The following CDH3 variants were observed in gnomAD, a reference collection of about 807,000 sequenced individuals.
CDH3 encodes the protein cadherin 3, also known as cadherin-3.
CDH3 carries 54 observed loss-of-function variants against 82.0 expected under a neutral mutation model. The ratio of observed to expected loss-of-function variants is 0.66; its 90% confidence interval spans 0.53 to 0.83. The LOEUF (loss-of-function observed/expected upper bound fraction) is 0.83. Ranked by LOEUF, CDH3 falls within the 40% of genes least tolerant of loss-of-function variation. CDH3 has a pLI of 0.00. For missense variants in CDH3, 1,054 were observed against 1,084.6 expected (o/e 0.97, Z 0.40); for synonymous variants, 446 against 437.9 (o/e 1.02, Z -0.23).
At chr16:68,691,383 T>G (rs1961569812) in intron 12 of CDH3, among the ~76,000 whole-genome samples, 1 of 152,184 alleles carries the variant, frequency 6.6e-6, no homozygotes, top group Non-Finnish European at 1.5e-5. Flanking sequence ...ATATTCTTTT[T>G]GAAGCAAAAA....
At chr16:68,661,008 T>C (rs2152093357) in intron 2 of CDH3, among the ~76,000 whole-genome samples, 1 of 152,122 alleles carries the variant, frequency 6.6e-6, no homozygotes, top group African/African-American at 2.4e-5. Flanking sequence ...TAATTCATAA[T>C]TCCCATGATT....
downstream of CDH3, among the ~76,000 whole-genome samples, chr16:68,730,054 G>A (rs192491364): frequency 1.0e-3 from 158 of 152,086 alleles, 2 homozygotes; most frequent in East Asian, 0.029. Context: ...CCAAGATGGT[G>A]AAACCCTGTC....
intron 2 of CDH3, among the ~76,000 whole-genome samples, chr16:68,659,684 C>CA (rs1482195358): frequency 9.3e-5 from 14 of 150,410 alleles, no homozygotes; most frequent in Middle Eastern, 3.5e-3. Flanking sequence ...ACCCTGTCTT[C>CA]AAAAAAAACC....
chr16:68,716,635 A>AAG (rs996188502), intron 1 of CDH3, among the ~76,000 whole-genome samples: 2 of 150,460 alleles, frequency 1.3e-5, no homozygotes, highest in African/African-American at 4.9e-5. Context: ...AAAAAAAAAA[A>AAG]AAAAGAAAAG....
intron 2 of CDH3, chr16:68,651,901 T>A (rs1448533266): frequency 4.7e-6 from 2 of 426,656 alleles, no homozygotes; most frequent in Non-Finnish European, 9.4e-6. Flanking sequence ...AGCCGGTTCT[T>A]GACCTCGGCG....
chr16:68,695,782 T>G lies in CDH3; in HGVS notation c.2139T>G (p.Tyr713Ter), dbSNP rs767625359. The G allele has an allele frequency of 6.2e-7, 1 of 1,614,066 alleles. No individual in the cohort carries two copies. The change falls in exon 15 of 16, where the codon TAT (tyrosine) becomes TAG (stop). Residue 713 changes from tyrosine to a stop codon, truncating the protein, a stop_gained. Transcript: ENST00000264012. LOFTEE classifies it high-confidence loss of function. ...TCTCCTGCATTTCCCCACAGGACTA[T>G]GACATCACCCAGCTCCACCGAGGTC... ...EEGGGEEDQD[Y>*]DITQLHRGLE...
intron 2 of CDH3, among the ~76,000 whole-genome samples, chr16:68,668,296 A>G (rs1960792000): frequency 6.6e-6 from 1 of 152,140 alleles, no homozygotes; most frequent in South Asian, 2.1e-4. Flanking sequence ...TTTGGCCAAG[A>G]TGTGTGGCCT....
Position 68,695,362 on chromosome 16 carries a change from G to A in CDH3, c.2110G>A (p.Glu704Lys). 6.2e-7 allele frequency: 1 copy of A among 1,613,206 alleles called. No homozygotes were observed. Among genetic ancestry groups the A allele is most frequent in the Non-Finnish European group, 8.5e-7 (1 of 1,179,646 alleles). ...TGACAACGTCTTCTACTATGGCGAA[G>A]AGGGGGGTGGCGAAGAGGACCAGGT... The part of the protein sequence containing the change: ...TRDNVFYYGE[E>K]GGGEEDQDYD... Residue 704 changes from glutamate to lysine, a missense_variant, in exon 14 of 16, where the codon GAG becomes AAG. Transcript: ENST00000264012.
intron 2 of CDH3, among the ~76,000 whole-genome samples, chr16:68,659,804 CT>C (rs71148930): frequency 0.76 from 99,977 of 132,006 alleles, 36,764 homozygotes; most frequent in Middle Eastern, 0.83. Context: ...CTTGTAGACC[CT>C]TTTTTTTTTT....
chr16:68,703,549 T>G (rs1039009759), downstream of CDH3, among the ~76,000 whole-genome samples: 1 of 152,186 alleles, frequency 6.6e-6, no homozygotes, highest in African/African-American at 2.4e-5. Flanking sequence ...TGGCCTCCCG[T>G]TAAAACAATC....
At chr16:68,695,960 T>C in intron 15 of CDH3, 37 bp downstream of exon 15, 6 of 1,610,744 alleles carry the variant, frequency 3.7e-6, no homozygotes, top group Non-Finnish European at 5.1e-6. Flanking sequence ...CCACCCTTTA[T>C]TCAAGCCCAG....
intron 2 of CDH3, among the ~76,000 whole-genome samples, chr16:68,646,909 G>C (rs79177044): frequency 1.1e-3 from 168 of 152,220 alleles, no homozygotes; most frequent in African/African-American, 4.0e-3. Context: ...ATGCCTAGGG[G>C]ACAGAGTGGC....
downstream of CDH3, among the ~76,000 whole-genome samples, chr16:68,703,947 A>C (rs2090009319): frequency 6.6e-6 from 1 of 151,520 alleles, no homozygotes; most frequent in Non-Finnish European, 1.5e-5. Context: ...ACTCCGTCTC[A>C]AATAATAATA....
At chr16:68,687,811 C>CT in intron 12 of CDH3, 75 bp downstream of exon 12, 1 of 1,007,220 alleles carries the variant, frequency 9.9e-7, no homozygotes, top group Non-Finnish European at 1.6e-6. Context: ...CAGGATTCTG[C>CT]ACACGTTCCT....
At chr16:68,685,397 C>T (rs1961382883) in intron 11 of CDH3, 47 bp downstream of exon 11, 4 of 1,599,802 alleles carry the variant, frequency 2.5e-6, no homozygotes, top group Non-Finnish European at 1.7e-6. Context: ...TTTTGGTTCT[C>T]AGGTCACATG....
chr16:68,686,265 G>T, intron 11 of CDH3: 1 of 642,778 alleles, frequency 1.6e-6, no homozygotes. Context: ...GCAAGGGCTG[G>T]GGTGAGTGCA....
chr16:68,702,172 G>A (rs927372084), downstream of CDH3, among the ~76,000 whole-genome samples: 2 of 152,194 alleles, frequency 1.3e-5, no homozygotes, highest in Non-Finnish European at 1.5e-5. Flanking sequence ...GATTATAGGC[G>A]TGAGCCACTG....
chr16:68,660,698 C>T (rs1467699498), intron 2 of CDH3, among the ~76,000 whole-genome samples: 2 of 152,192 alleles, frequency 1.3e-5, no homozygotes, highest in Non-Finnish European at 2.9e-5. Flanking sequence ...GGGGCTCATG[C>T]CTGTAATCCC....
chr16:68,685,367 A>T lies in CDH3; in HGVS notation c.1570+17A>T, dbSNP rs774748056. 2 of 1,613,490 alleles carry T rather than the reference A, an allele frequency of 1.2e-6. No individual in the cohort carries two copies. Among genetic ancestry groups the T allele is most frequent in the East Asian group, 4.5e-5 (2 of 44,886 alleles). ...TGGACAATGGTGAGAGCATCCTCCC[A>T]GCCCTCCCACAAGGGCCACTTTTGG... On this transcript the variant is annotated intron_variant, in intron 11 of 15. Coordinates refer to ENST00000264012, the MANE Select transcript of CDH3 (RefSeq NM_001793.6).
Sources: allele counts gnomAD v4.1 joint callset (sites outside exome capture counted in the v4.1 genomes callset), GRCh38; gene constraint gnomAD v4.1.1; transcripts MANE v1.5; gene names NCBI Gene and HGNC (gene_info 2026-07-23, HGNC 2026-07-21).